Variants in RASSF2 observed in about 807,000 individuals in gnomAD.
RASSF2 encodes the protein Ras association domain family member 2, also known as ras association domain-containing protein 2.
RASSF2 carries 34 observed loss-of-function variants against 46.3 expected under a neutral mutation model. The ratio of observed to expected loss-of-function variants is 0.73; its 90% CI spans 0.56 to 0.98. RASSF2 has a LOEUF of 0.98. RASSF2 is among the 50% of genes least tolerant of loss of function. The probability of loss-of-function intolerance (pLI) is 0.00; values close to 1 mark genes in which losing one functional copy is unlikely to be tolerated. For missense variants in RASSF2, 364 were observed against 431.2 expected, an observed-to-expected ratio of 0.84 and a Z score of 1.38; for synonymous variants, 158 against 162.5, an observed-to-expected ratio of 0.97 and a Z score of 0.21.
At position 4,781,151 on chromosome 20, in the gene RASSF2, C is replaced by T. The variant is rs968951309; in HGVS notation, c.*3122G>A. On this transcript the variant is annotated 3_prime_UTR_variant, in exon 12 of 12. Coordinates refer to ENST00000379400, the MANE Select transcript of RASSF2 (RefSeq NM_014737.3). ...CTTGCTCTTCTGTGGCCAATTTCTT[C>T]ACTCTCCTGACACTTTGAAGTAACC... 10 of 152,098 alleles carry T rather than the reference C, an allele frequency of 6.6e-5. No homozygotes were observed. Among genetic ancestry groups the T allele is most frequent in the African/African-American group, 2.4e-4 (10 of 41,392 alleles). The allele number at this position is 152,098 out of a possible 1,614,324, so 9.4% of individuals were successfully genotyped here.
chr20:4,823,000 G>C (rs888233980), intron 1 of RASSF2, among the ~76,000 whole-genome samples: 1 of 152,298 alleles, frequency 6.6e-6, no homozygotes, highest in South Asian at 2.1e-4. Flanking sequence ...CGCCCCCAGG[G>C]GTCGTAGAAG....
intron 6 of RASSF2, among the ~76,000 whole-genome samples, chr20:4,791,151 A>G (rs888395627): frequency 2.0e-5 from 3 of 152,238 alleles, no homozygotes; most frequent in African/African-American, 4.8e-5. Context: ...TGTACCTCAT[A>G]TAAGTGTACC....
intron 2 of RASSF2, among the ~76,000 whole-genome samples, chr20:4,819,876 G>C (rs1394614741): frequency 6.6e-6 from 1 of 152,216 alleles, no homozygotes; most frequent in Non-Finnish European, 1.5e-5. Context: ...CATTTTGCCC[G>C]TTCCACAGGA....
intron 2 of RASSF2, among the ~76,000 whole-genome samples, chr20:4,819,701 G>A (rs918070806): frequency 6.6e-6 from 1 of 152,180 alleles, no homozygotes; most frequent in Non-Finnish European, 1.5e-5. Flanking sequence ...TTATAAAAAT[G>A]AGCAGTTAAT....
rs772300560 is a variant in RASSF2, at chr20:4,784,240, C to T, written c.*33G>A. 29 of 1,592,136 alleles carry T rather than the reference C, an allele frequency of 1.8e-5. No homozygotes were observed. The highest frequency in any genetic ancestry group is 2.3e-5 in the Non-Finnish European group (27 of 1,160,278). ...GGGGGTCTTATGGGCAATGGCGGTT[C>T]CTGGGGTGCCCAGATCCCCTCGTTC... is the stretch of plus-strand genomic sequence containing the variant. On this transcript the variant is annotated 3_prime_UTR_variant, in exon 12 of 12. Coordinates refer to ENST00000379400, the MANE Select transcript of RASSF2 (RefSeq NM_014737.3).
chr20:4,792,644 C>A lies in RASSF2; in HGVS notation c.288-17G>T. The A allele has an allele frequency of 6.2e-7, 1 of 1,611,358 alleles. No homozygotes were observed. Among genetic ancestry groups the A allele is most frequent in the Non-Finnish European group, 8.5e-7 (1 of 1,178,764 alleles). On this transcript the variant is annotated splice_polypyrimidine_tract_variant and intron_variant, in intron 5 of 11. Transcript: ENST00000379400. ...AGAGTGGTTCTGGGAGTGGAGAAGA[C>A]AAAGGGGAGGGGGGAGACTAGTTTA...
chr20:4,818,233 T>C (rs1210952559), intron 2 of RASSF2, among the ~76,000 whole-genome samples: 2 of 151,870 alleles, frequency 1.3e-5, no homozygotes, highest in African/African-American at 4.8e-5. Context: ...TGCCACTGCA[T>C]TCCAGCCTAG....
At chr20:4,820,306 A>C (rs1432316798) in intron 2 of RASSF2, among the ~76,000 whole-genome samples, 1 of 152,132 alleles carries the variant, frequency 6.6e-6, no homozygotes, top group Non-Finnish European at 1.5e-5. Context: ...GGTGTTTGAG[A>C]CCAGCCTGGA....
At position 4,780,456 on chromosome 20, in the gene RASSF2, A is replaced by AG. The variant is rs1039277037; in HGVS notation, c.*3816dup. 1.3e-5 allele frequency: 2 copies of AG among 152,218 alleles called. No homozygotes were observed. The highest frequency in any genetic ancestry group is 2.1e-4 in the South Asian group (1 of 4,834). The allele number at this position is 152,218 out of a possible 1,614,324, so 9.4% of individuals were successfully genotyped here. On this transcript the variant is annotated 3_prime_UTR_variant, in exon 12 of 12. Transcript: ENST00000379400. The stretch of plus-strand genomic sequence containing the variant: ...AGAGCTTTCTATTACATCTGGAAGA[A>AG]GGGGGCGCCACATTCATTCTTATTT...
chr20:4,820,488 C>T (rs756280124), intron 2 of RASSF2, among the ~76,000 whole-genome samples: 26 of 151,596 alleles, frequency 1.7e-4, no homozygotes, highest in African/African-American at 5.6e-4. Context: ...CCAGCCTGGG[C>T]GACAGAGAGA....
intron 2 of RASSF2, among the ~76,000 whole-genome samples, chr20:4,808,279 G>A (rs1466670257): frequency 1.3e-5 from 2 of 152,012 alleles, no homozygotes; most frequent in African/African-American, 2.4e-5. Context: ...AACCATTTAC[G>A]ATCATGACTT....
rs1305719000 is a variant in RASSF2, at chr20:4,783,268, G to A, written c.*1005C>T. The A allele has an allele frequency of 2.6e-5, 4 of 152,240 alleles. No individual in the cohort carries two copies. Among genetic ancestry groups the A allele is most frequent in the African/African-American group, 7.2e-5 (3 of 41,470 alleles). 9.4% of individuals were successfully genotyped at this position (152,240 alleles called of 1,614,324 possible). On this transcript the variant is annotated 3_prime_UTR_variant, in exon 12 of 12. Coordinates refer to ENST00000379400, the MANE Select transcript of RASSF2 (RefSeq NM_014737.3). ...CTTTGATGACATGAAGATGGGCTGC[G>A]TTCAAGGCACCTGTCATATCTGCAG...
At chr20:4,799,386 G>A (rs971569151) in intron 3 of RASSF2, among the ~76,000 whole-genome samples, 1 of 152,164 alleles carries the variant, frequency 6.6e-6, no homozygotes, top group African/African-American at 2.4e-5. Context: ...CACTCCAGGT[G>A]GGATGAGAGG....
chr20:4,788,562 C>T (rs566825190), intron 8 of RASSF2, among the ~76,000 whole-genome samples: 1 of 152,212 alleles, frequency 6.6e-6, no homozygotes, highest in African/African-American at 2.4e-5. Flanking sequence ...GATGGCATAG[C>T]CTACTTCACA....
At chr20:4,810,553 G>C (rs917964608) in intron 2 of RASSF2, among the ~76,000 whole-genome samples, 3 of 152,114 alleles carry the variant, frequency 2.0e-5, no homozygotes, top group Non-Finnish European at 4.4e-5. Flanking sequence ...CGCCCTACGT[G>C]GTTTCAGTTC....
At chr20:4,819,919 C>T (rs1443748370) in intron 2 of RASSF2, among the ~76,000 whole-genome samples, 1 of 152,236 alleles carries the variant, frequency 6.6e-6, no homozygotes, top group Admixed American at 6.5e-5. Context: ...GGTTCTGCCA[C>T]AGCTGCCTTG....
At position 4,780,417 on chromosome 20, in the gene RASSF2, C is replaced by T. The variant is rs184222073; in HGVS notation, c.*3856G>A. The T allele has an allele frequency of 6.6e-6, 1 of 152,330 alleles. No homozygotes were observed. Among genetic ancestry groups the T allele is most frequent in the East Asian group, 1.9e-4 (1 of 5,184 alleles). 9.4% of individuals were successfully genotyped at this position (152,330 alleles called of 1,614,324 possible). On this transcript the variant is annotated 3_prime_UTR_variant, in exon 12 of 12. Transcript: ENST00000379400. ...AACACAAGGGGCGCTTCAACACCCCCCTTGTGATAGGGCAGAGCTTTCTAT... is the reference window on the plus strand; with the variant it reads ...AACACAAGGGGCGCTTCAACACCCCTCTTGTGATAGGGCAGAGCTTTCTAT...
Position 4,790,748 on chromosome 20 carries a change from G to A in RASSF2, c.377-137C>T. On this transcript the variant is annotated intron_variant, in intron 6 of 11. Coordinates refer to ENST00000379400, the MANE Select transcript of RASSF2 (RefSeq NM_014737.3). The surrounding 1 kb of genome is among the most constrained non-coding windows in gnomAD (Gnocchi z 4.3). ...TATACAAATAATATTTTCTGCTGGG[G>A]GAAAAACATAATGCAGAATTTACAG... The A allele has an allele frequency of 1.5e-6, 1 of 648,424 alleles. No individual in the cohort carries two copies. The highest frequency in any genetic ancestry group is 2.3e-6 in the Non-Finnish European group (1 of 438,862). 40.2% of individuals were successfully genotyped at this position (648,424 alleles called of 1,614,324 possible).
intron 2 of RASSF2, 31 bp downstream of exon 2, chr20:4,822,298 T>A (rs1443562605): frequency 6.6e-6 from 1 of 152,274 alleles, no homozygotes; most frequent in African/African-American, 2.4e-5. Flanking sequence ...GATTGGTTCA[T>A]ACATTCATTC....
Sources: gnomAD v4.1 joint callset for allele counts (sites outside exome capture counted in the v4.1 genomes callset) on GRCh38, gnomAD v4.1.1 for gene constraint, Gnocchi (gnomAD v3.1) non-coding constraint, MANE v1.5 for transcripts, NCBI Gene and HGNC (gene_info 2026-07-23, HGNC 2026-07-21) for gene names.